Variants in KCNH7 observed in about 807,000 individuals in gnomAD.
KCNH7 encodes the protein voltage-gated inwardly rectifying potassium channel KCNH7.
Under a neutral mutation model 120.8 loss-of-function variants are expected in KCNH7, and 49 were observed. That is an observed-to-expected ratio of 0.41 (90% CI 0.32 to 0.51). KCNH7 has a LOEUF of 0.51. Ranked by LOEUF, KCNH7 falls within the 20% of genes least tolerant of loss-of-function variation. The probability of loss-of-function intolerance (pLI) is 0.38; values close to 1 mark genes in which losing one functional copy is unlikely to be tolerated. For synonymous variants in KCNH7, 547 were observed against 516.1 expected (o/e 1.06, Z -0.81); for missense variants, 1,097 against 1,446.6 (o/e 0.76, Z 3.92).
intron 2 of KCNH7, among the ~76,000 whole-genome samples, chr2:162,566,847 A>G (rs902236979): frequency 1.3e-5 from 2 of 152,044 alleles, no homozygotes; most frequent in African/African-American, 2.4e-5. Context: ...TATCCAAAGG[A>G]AAAGTGAAAC....
chr2:162,588,312 A>G (rs534677375), intron 2 of KCNH7, among the ~76,000 whole-genome samples: 1 of 152,290 alleles, frequency 6.6e-6, no homozygotes, highest in Admixed American at 6.5e-5. Flanking sequence ...TCTTCATGTA[A>G]TAAGTTCTGT....
At chr2:162,726,282 G>A (rs567104119) in intron 2 of KCNH7, among the ~76,000 whole-genome samples, 6 of 152,204 alleles carry the variant, frequency 3.9e-5, no homozygotes, top group South Asian at 4.2e-4. Flanking sequence ...ACCAAATAAG[G>A]TAAGTGTTTA....
intron 2 of KCNH7, among the ~76,000 whole-genome samples, chr2:162,787,203 T>C (rs1247799638): frequency 6.6e-6 from 1 of 152,008 alleles, no homozygotes; most frequent in African/African-American, 2.4e-5. Flanking sequence ...TTAGGATCCA[T>C]GTGTAGGATA....
Position 162,748,920 on chromosome 2 carries a change from CCTTTCCT to C in KCNH7, c.307+87610_307+87616del, listed in dbSNP as rs1266239221. Among the ~76,000 whole-genome samples the C allele has an allele frequency of 2.0e-3, 94 of 47,690 alleles. 6 individuals are homozygous for C. The African/African-American group carries it at 0.026, about 13-fold the overall frequency. 31.3% of individuals were successfully genotyped at this position (47,690 alleles called of 152,430 possible). On this transcript the variant is annotated intron_variant, in intron 2 of 15. Coordinates refer to ENST00000332142, the MANE Select transcript of KCNH7 (RefSeq NM_033272.4). ...TTTCCTTCCTTCCTTCCTTCCCTTC[CCTTTCCT>C]TTCCTTCCTTCCTTCCTTCCTTCCT...
intron 2 of KCNH7, among the ~76,000 whole-genome samples, chr2:162,573,028 CCTTAAA>C (rs1006029413): frequency 9.9e-5 from 15 of 151,842 alleles, no homozygotes; most frequent in South Asian, 2.1e-4. Flanking sequence ...GCTCATGTAC[CCTTAAA>C]CTTAAAGTAT....
chr2:162,606,045 C>T (rs1439656296), intron 2 of KCNH7, among the ~76,000 whole-genome samples: 3 of 151,918 alleles, frequency 2.0e-5, no homozygotes, highest in Non-Finnish European at 4.4e-5. Context: ...TCCAAATATA[C>T]ATATACATAT....
At chr2:162,808,939 T>C (rs1269049205) in intron 2 of KCNH7, among the ~76,000 whole-genome samples, 3 of 152,158 alleles carry the variant, frequency 2.0e-5, no homozygotes, top group Non-Finnish European at 4.4e-5. Flanking sequence ...GTCCAGTGTT[T>C]CTCTGCAAGC....
intron 2 of KCNH7, among the ~76,000 whole-genome samples, chr2:162,653,805 G>A (rs1684648407): frequency 6.6e-6 from 1 of 152,044 alleles, no homozygotes; most frequent in East Asian, 1.9e-4. Context: ...ACAGATACAT[G>A]GACCAATGGA....
chr2:162,700,053 G>A (rs1574281610), intron 2 of KCNH7, among the ~76,000 whole-genome samples: 2 of 152,198 alleles, frequency 1.3e-5, no homozygotes, highest in Middle Eastern at 6.8e-3. Context: ...TCTGTAGCAC[G>A]ATTCCAGAAG....
chr2:162,790,985 A>T (rs1348185079), intron 2 of KCNH7, among the ~76,000 whole-genome samples: 1 of 152,142 alleles, frequency 6.6e-6, no homozygotes, highest in South Asian at 2.1e-4. Context: ...TTAGGCAAGG[A>T]AAAGAAATAA....
At position 162,373,598 on chromosome 2, in the gene KCNH7, C is replaced by T. The variant is rs1225574262; in HGVS notation, c.3196G>A (p.Val1066Met). The change falls in exon 15 of 16, where the codon GTG (valine) becomes ATG (methionine). Residue 1066 changes from valine (V) to methionine (M), a missense_variant. By Grantham distance (21) the Val-to-Met change is conservative. Transcript: ENST00000332142. ...ILQLLQKQTTVVPPAYSMVTA... is the reference protein window; with the variant it reads ...ILQLLQKQTTMVPPAYSMVTA... ...ACCATACTGTAGGCTGGGGGGACCA[C>T]AGTGGTTTGTTTCTGCAGCAACTGT... 20 of 1,574,028 alleles carry T rather than the reference C, an allele frequency of 1.3e-5. No individual in the cohort carries two copies. Among genetic ancestry groups the T allele is most frequent in the Non-Finnish European group, 1.7e-5 (20 of 1,159,248 alleles).
chr2:162,652,930 T>C (rs1217953890), intron 2 of KCNH7, among the ~76,000 whole-genome samples: 13 of 151,998 alleles, frequency 8.6e-5, no homozygotes, highest in Non-Finnish European at 1.2e-4. Context: ...AAAACCTTCT[T>C]TCATTTTTTG....
At chr2:162,807,903 C>G (rs538905999) in intron 2 of KCNH7, among the ~76,000 whole-genome samples, 12 of 152,186 alleles carry the variant, frequency 7.9e-5, no homozygotes, top group African/African-American at 2.4e-4. Context: ...AGGCTGGTCT[C>G]GAACTCCTGA....
In KCNH7 at chr2:162,481,289, C is replaced by A. The variant is rs146574204; in HGVS notation, c.1128+23154G>T. Among the ~76,000 whole-genome samples the A allele has an allele frequency of 7.9e-5, 12 of 152,222 alleles. No individual in the cohort carries two copies. The East Asian group carries it at 2.1e-3, about 27-fold the overall frequency. On this transcript the variant is annotated intron_variant, in intron 6 of 15. Transcript: ENST00000332142. ...CAAAAAAAATTATTTGCAGTTTTGC[C>A]TTGGAAATGACACTAAACTTTTACT...
chr2:162,466,418 C>T lies in KCNH7; in HGVS notation c.1129-19975G>A, dbSNP rs550357089. ...CGTCCTTCTACACATGGCGGCAGGA[C>T]GGAGAAGTGCCAATCAAAGGGGGAA... On this transcript the variant is annotated intron_variant, in intron 6 of 15. Transcript: ENST00000332142. 1.7e-3 allele frequency among the ~76,000 whole-genome samples: 253 copies of T among 152,160 alleles called. 1 individual carries two copies. Among genetic ancestry groups the T allele is most frequent in the African/African-American group, 2.7e-3 (111 of 41,494 alleles).
At chr2:162,547,769 A>G (rs183066652) in intron 2 of KCNH7, among the ~76,000 whole-genome samples, 31 of 151,414 alleles carry the variant, frequency 2.0e-4, no homozygotes, top group Non-Finnish European at 3.2e-4. Flanking sequence ...GATGTCACAC[A>G]AAGCTCTATA....
At chr2:162,809,690 A>G (rs1684666760) in intron 2 of KCNH7, among the ~76,000 whole-genome samples, 2 of 152,292 alleles carry the variant, frequency 1.3e-5, no homozygotes, top group South Asian at 2.1e-4. Flanking sequence ...TAACACAAGT[A>G]TAACTTTTTC....
chr2:162,545,067 TAGCAGAAGCA>T (rs1484845323), intron 2 of KCNH7, among the ~76,000 whole-genome samples: 3 of 152,150 alleles, frequency 2.0e-5, no homozygotes, highest in African/African-American at 4.8e-5. Flanking sequence ...CTCAACTAAG[TAGCAGAAGCA>T]AGCTTTGAAC....
chr2:162,437,772 T>C (rs1457102487), intron 7 of KCNH7, among the ~76,000 whole-genome samples: 1 of 152,168 alleles, frequency 6.6e-6, no homozygotes, highest in African/African-American at 2.4e-5. Context: ...AACTTTATGT[T>C]GTGAAATGGG....
Sources: allele counts gnomAD v4.1 joint callset (sites outside exome capture counted in the v4.1 genomes callset), GRCh38; gene constraint gnomAD v4.1.1; transcripts MANE v1.5; gene names NCBI Gene and HGNC (gene_info 2026-07-23, HGNC 2026-07-21).